Variants in JPH3 observed in about 807,000 individuals in gnomAD.
The protein encoded by JPH3 is junctophilin-3.
In JPH3, 11 loss-of-function variants were observed where a neutral mutation model predicts 59.6. That is an observed-to-expected ratio of 0.18 (90% CI 0.12 to 0.31). The LOEUF is 0.31. Among genes scored for constraint, JPH3 ranks in the 10% least tolerant of loss-of-function variants. The pLI is 1.00. For synonymous variants in JPH3, 673 were observed against 483.6 expected (o/e 1.39, Z -5.14); for missense variants, 1,202 against 1,105.7 (o/e 1.09, Z -1.24).
intron 1 of JPH3, among the ~76,000 whole-genome samples, chr16:87,639,789 T>A (rs1267850034): frequency 6.6e-6 from 1 of 152,208 alleles, no homozygotes; most frequent in Non-Finnish European, 1.5e-5. Flanking sequence ...CCTGGCTTAT[T>A]CCACTGCATG....
intron 3 of JPH3, among the ~76,000 whole-genome samples, chr16:87,688,415 C>G (rs2033469998): frequency 6.6e-6 from 1 of 152,222 alleles, no homozygotes; most frequent in African/African-American, 2.4e-5. Flanking sequence ...GAGGGACTAT[C>G]TGGTGCCACA....
intron 1 of JPH3, among the ~76,000 whole-genome samples, chr16:87,643,440 C>G (rs1374736178): frequency 6.6e-6 from 1 of 151,916 alleles, no homozygotes; most frequent in African/African-American, 2.4e-5. Flanking sequence ...TCATGGGCCA[C>G]TGTCCCTTCC....
chr16:87,695,087 T>G (rs1443193125), intron 4 of JPH3: 1 of 348,372 alleles, frequency 2.9e-6, no homozygotes, highest in Non-Finnish European at 5.7e-6. Context: ...AACTGCTGGG[T>G]CCCCGGTGTT....
chr16:87,650,660 A>G (rs943098521), intron 2 of JPH3, among the ~76,000 whole-genome samples: 5 of 152,266 alleles, frequency 3.3e-5, no homozygotes, highest in African/African-American at 7.2e-5. Flanking sequence ...GAGTGAAACA[A>G]TGTTATTGCT....
chr16:87,644,352 C>T lies in JPH3; in HGVS notation c.477C>T (p.Pro159=). Residue 159 remains proline, a synonymous_variant, in exon 2 of 5, where the codon CCC becomes CCT. Transcript: ENST00000284262. The stretch of plus-strand genomic sequence containing the variant: ...GCATGGCCGCGGTCATCCGCTCACC[C>T]CTGAGGACGTCCATCAACTCCCTGC... The part of the protein sequence containing the change: ...PYGMAAVIRS[P]LRTSINSLRS... 1.9e-6 allele frequency: 3 copies of T among 1,612,988 alleles called. No individual in the cohort carries two copies. Among genetic ancestry groups the T allele is most frequent in the East Asian group, 4.5e-5 (2 of 44,862 alleles).
chr16:87,690,330 C>T lies in JPH3; in HGVS notation c.1970C>T (p.Ser657Phe), dbSNP rs2033534779. The change falls in exon 4 of 5, where the codon TCC becomes TTC. Residue 657 changes from serine to phenylalanine, a missense_variant. Transcript: ENST00000284262. ...DRGFGVQRLR[S>F]KAQNKENFRP... ...GGCTTCGGGGTGCAGAGACTGCGGT[C>T]CAAGGCCCAGAACAAGGAGAACTTC... 1 of 1,587,432 alleles carries T rather than the reference C, an allele frequency of 6.3e-7. No homozygotes were observed. The highest frequency in any genetic ancestry group is 8.6e-7 in the Non-Finnish European group (1 of 1,168,014).
intron 2 of JPH3, among the ~76,000 whole-genome samples, chr16:87,675,195 G>A (rs1268887698): frequency 1.2e-4 from 2 of 16,076 alleles, no homozygotes; most frequent in Admixed American, 5.2e-4. Flanking sequence ...CCCCTCCCCC[G>A]CCGTTTCCCC....
chr16:87,684,692 C>G (rs893826594), intron 3 of JPH3, among the ~76,000 whole-genome samples: 1 of 152,244 alleles, frequency 6.6e-6, no homozygotes, highest in African/African-American at 2.4e-5. Context: ...TGACCTGCCT[C>G]TGATGTGAAC....
chr16:87,644,237 C>A (rs1567595675), intron 1 of JPH3, 21 bp from the exon 2 acceptor site: 1 of 1,586,158 alleles, frequency 6.3e-7, no homozygotes, highest in Non-Finnish European at 8.6e-7. Context: ...GGCACTCACC[C>A]CTCTCTCATT....
chr16:87,688,551 G>C (rs8059047), intron 3 of JPH3, among the ~76,000 whole-genome samples: 71,115 of 151,650 alleles, frequency 0.47, 17,028 homozygotes, highest in African/African-American at 0.58. Flanking sequence ...GTCCGAGCGT[G>C]AGAGACTCTA....
intron 2 of JPH3, among the ~76,000 whole-genome samples, chr16:87,682,993 C>T (rs1191697603): frequency 6.6e-6 from 1 of 152,272 alleles, no homozygotes; most frequent in Non-Finnish European, 1.5e-5. Context: ...GGGAGAGACA[C>T]AGTCAGGGAG....
In JPH3 at chr16:87,644,285, G is replaced by C. The variant is rs749638852; in HGVS notation, c.410G>C (p.Gly137Ala). Reference protein sequence around the residue: ...GGTYQGQWVGGMRQGYGVRQS... With the variant: ...GGTYQGQWVGAMRQGYGVRQS... ...ACCTACCAGGGCCAGTGGGTCGGTG[G>C]CATGCGCCAGGGCTACGGCGTCCGG... The change falls in exon 2 of 5, where the codon GGC becomes GCC. Residue 137 changes from glycine to alanine, a missense_variant. By Grantham distance (60) the Gly-to-Ala change is moderately conservative. Coordinates refer to ENST00000284262, the MANE Select transcript of JPH3 (RefSeq NM_020655.4). 6.2e-7 allele frequency: 1 copy of C among 1,611,114 alleles called. No homozygotes were observed. The highest frequency in any genetic ancestry group is 8.5e-7 in the Non-Finnish European group (1 of 1,179,028).
rs77310151 is a variant in JPH3 at position 87,616,744 on chromosome 16, G to T, written c.382+13216G>T. Among the ~76,000 whole-genome samples, 196 of 152,310 alleles carry T rather than the reference G, an allele frequency of 1.3e-3. 1 individual carries two copies. Among genetic ancestry groups the T allele is most frequent in the Non-Finnish European group, 2.2e-3 (148 of 68,024 alleles). On this transcript the variant is annotated intron_variant, in intron 1 of 4. Coordinates refer to ENST00000284262, the MANE Select transcript of JPH3 (RefSeq NM_020655.4). ...CAGGATGGGGAGCACCCGCGCCCCG[G>T]GGTCCCTTGTGTTGCCCTTTTGTAG...
rs1321859488 is a variant in JPH3, at chr16:87,690,003, G to T, written c.1643G>T (p.Arg548Leu). The T allele has an allele frequency of 1.3e-6, 2 of 1,509,568 alleles. No individual in the cohort carries two copies. Among genetic ancestry groups the T allele is most frequent in the South Asian group, 1.3e-5 (1 of 77,426 alleles). 93.5% of individuals were successfully genotyped at this position (1,509,568 alleles called of 1,614,324 possible). ...GSRGVRSGAL[R>L]GGLLVDDFRT... ...AGGGGTGTCCGCAGCGGTGCCCTGC[G>T]CGGCGGCCTGCTCGTGGATGACTTC... The change falls in exon 4 of 5, where the codon CGC becomes CTC. Residue 548 changes from arginine (R) to leucine (L), a missense_variant. Transcript: ENST00000284262.
intron 2 of JPH3, among the ~76,000 whole-genome samples, chr16:87,682,039 C>T (rs1457060262): frequency 1.3e-5 from 2 of 152,032 alleles, no homozygotes; most frequent in Admixed American, 6.5e-5. Flanking sequence ...GATGCACGGA[C>T]CACCCAAGGG....
In JPH3 at chr16:87,635,208, C is replaced by T. The variant is rs1423734897; in HGVS notation, c.383-9050C>T. Among the ~76,000 whole-genome samples the T allele has an allele frequency of 2.0e-5, 3 of 152,170 alleles. No homozygotes were observed. The East Asian group carries it at 5.8e-4, about 29-fold the overall frequency. On this transcript the variant is annotated intron_variant, in intron 1 of 4. Transcript: ENST00000284262. Reference sequence around the variant, plus strand: ...AGCAAAGCGTTCACCTTGCCCCACCCTGGGACCTCTCAGGTGCTCTTTGGA... The same window carrying T: ...AGCAAAGCGTTCACCTTGCCCCACCTTGGGACCTCTCAGGTGCTCTTTGGA...
At chr16:87,691,269 C>G (rs918395581) in intron 4 of JPH3, among the ~76,000 whole-genome samples, 2 of 152,202 alleles carry the variant, frequency 1.3e-5, no homozygotes, top group African/African-American at 4.8e-5. Flanking sequence ...CAAATCCCAC[C>G]CTGCTCCCTT....
At chr16:87,671,701 C>A (rs2033020223) in intron 2 of JPH3, among the ~76,000 whole-genome samples, 1 of 152,104 alleles carries the variant, frequency 6.6e-6, no homozygotes, top group African/African-American at 2.4e-5. Flanking sequence ...GTCCCCCACC[C>A]CTTGGTGTTG....
rs978699234 is a variant in JPH3, at chr16:87,679,360, T to C, written c.1161-4782T>C. Among the ~76,000 whole-genome samples the C allele has an allele frequency of 5.9e-5, 9 of 152,196 alleles. No individual in the cohort carries two copies. The East Asian group carries it at 1.2e-3, about 20-fold the overall frequency. The stretch of plus-strand genomic sequence containing the variant: ...TCTCTGGCTTTCCAGGCTGCTCTGA[T>C]CGCAGACCTCCTGTCTTTAACAACC... On this transcript the variant is annotated intron_variant, in intron 2 of 4. Transcript: ENST00000284262.
Sources: gnomAD v4.1 joint callset for allele counts (sites outside exome capture counted in the v4.1 genomes callset) on GRCh38, gnomAD v4.1.1 for gene constraint, MANE v1.5 for transcripts, NCBI Gene and HGNC (gene_info 2026-07-23, HGNC 2026-07-21) for gene names.